ADGRA2: variants seen among roughly 807,000 people sequenced by gnomAD.
ADGRA2 encodes G-protein coupled receptor 124.
ADGRA2 carries 61 observed loss-of-function variants against 98.7 expected under a neutral mutation model. The ratio of observed to expected loss-of-function variants is 0.62; its 90% CI spans 0.50 to 0.76. ADGRA2 has a LOEUF of 0.76. Ranked by LOEUF, ADGRA2 falls within the 30% of genes least tolerant of loss-of-function variation. The probability of loss-of-function intolerance (pLI) is 0.00; values close to 1 mark genes in which losing one functional copy is unlikely to be tolerated. For synonymous variants in ADGRA2, 858 were observed against 831.5 expected (o/e 1.03, Z -0.55); for missense variants, 1,712 against 1,860.0 (o/e 0.92, Z 1.46).
intron 2 of ADGRA2, among the ~76,000 whole-genome samples, chr8:37,826,098 G>T (rs569945386): frequency 2.6e-5 from 4 of 152,286 alleles, no homozygotes; most frequent in African/African-American, 9.6e-5. Context: ...AGGGGGCCCG[G>T]GGAGGAAATG....
chr8:37,839,380 C>T lies in ADGRA2; in HGVS notation c.2388-119C>T, dbSNP rs575778628. The T allele has an allele frequency of 5.5e-5, 83 of 1,505,220 alleles. 3 individuals carry two copies. The South Asian group carries it at 1.0e-3, about 19-fold the overall frequency. 93.2% of individuals were successfully genotyped at this position (1,505,220 alleles called of 1,614,324 possible). On this transcript the variant is annotated intron_variant, in intron 15 of 18. Coordinates refer to ENST00000412232, the MANE Select transcript of ADGRA2 (RefSeq NM_032777.10). ...CCTACCCTATGGCCTCTGTCACATT[C>T]CCAACCATTCACACACGCAGATATG...
intron 1 of ADGRA2, among the ~76,000 whole-genome samples, chr8:37,809,052 G>T (rs1312012162): frequency 6.6e-6 from 1 of 152,048 alleles, no homozygotes; most frequent in African/African-American, 2.4e-5. Context: ...TGAACTCCTG[G>T]CCTCAAGTGA....
chr8:37,832,306 G>A (rs1418421804), intron 8 of ADGRA2, among the ~76,000 whole-genome samples: 1 of 151,744 alleles, frequency 6.6e-6, no homozygotes, highest in South Asian at 2.1e-4. Context: ...ACCCGCCTTG[G>A]CCTCCCGAAG....
intron 2 of ADGRA2, among the ~76,000 whole-genome samples, chr8:37,824,141 C>T (rs1025969786): frequency 6.6e-6 from 1 of 152,084 alleles, no homozygotes; most frequent in Admixed American, 6.5e-5. Context: ...AAGTGATTCT[C>T]CTGCCTCTGC....
chr8:37,820,230 T>C (rs187093047), intron 2 of ADGRA2, among the ~76,000 whole-genome samples: 11 of 152,324 alleles, frequency 7.2e-5, no homozygotes, highest in African/African-American at 2.6e-4. Flanking sequence ...ACAAAATACC[T>C]GCACAGCGAC....
Position 37,833,145 on chromosome 8 carries a change from A to C in ADGRA2, c.1233A>C (p.Pro411=). 5.0e-6 allele frequency: 8 copies of C among 1,613,086 alleles called. No homozygotes were observed. Among genetic ancestry groups the C allele is most frequent in the Non-Finnish European group, 6.8e-6 (8 of 1,179,772 alleles). The change falls in exon 9 of 19, where the codon CCA becomes CCC. Residue 411 remains proline, a synonymous_variant. Coordinates refer to ENST00000412232, the MANE Select transcript of ADGRA2 (RefSeq NM_032777.10). Reference sequence around the variant, plus strand: ...GTGACCGTGCCGGCCGCTGGGAGCCAGGGGACTACTCCCACTGTCTCTACA... The same window carrying C: ...GTGACCGTGCCGGCCGCTGGGAGCCCGGGGACTACTCCCACTGTCTCTACA... ...RRCDRAGRWE[P]GDYSHCLYTN...
At chr8:37,812,168 T>A (rs1338135908) in intron 1 of ADGRA2, among the ~76,000 whole-genome samples, 3 of 151,864 alleles carry the variant, frequency 2.0e-5, no homozygotes, top group African/African-American at 7.3e-5. Context: ...GTTGTTGTTG[T>A]TGTTGTTGTT....
intron 1 of ADGRA2, among the ~76,000 whole-genome samples, chr8:37,806,526 C>CTTTTTCTTTTTTTT (rs756594430): frequency 2.0e-5 from 2 of 100,356 alleles, no homozygotes; most frequent in Non-Finnish European, 3.7e-5. Context: ...TTTTCTTTTT[C>CTTTTTCTTTTTTTT]TTTTTTTTTT....
In ADGRA2 at chr8:37,834,559, G is replaced by C. The variant is rs1805552969; in HGVS notation, c.1608+431G>C. 1.3e-5 allele frequency among the ~76,000 whole-genome samples: 2 copies of C among 152,210 alleles called. 1 individual carries two copies. Among genetic ancestry groups the C allele is most frequent in the African/African-American group, 4.8e-5 (2 of 41,464 alleles). The stretch of plus-strand genomic sequence containing the variant: ...TGCTAGGCCCTTGGGGCGATGCAAA[G>C]GGGTGAGACATGGAGCCTGCTCTAC... On this transcript the variant is annotated intron_variant, in intron 11 of 18. Transcript: ENST00000412232. This position sits in a 1 kb window ranked among gnomAD's most constrained non-coding sequence, Gnocchi z 4.2.
At chr8:37,824,940 A>G (rs1805226916) in intron 2 of ADGRA2, among the ~76,000 whole-genome samples, 1 of 152,100 alleles carries the variant, frequency 6.6e-6, no homozygotes, top group Non-Finnish European at 1.5e-5. Context: ...ACTCACTCTT[A>G]CACACTCAGC....
chr8:37,803,021 T>C (rs1476389579), intron 1 of ADGRA2, among the ~76,000 whole-genome samples: 1 of 152,066 alleles, frequency 6.6e-6, no homozygotes, highest in Non-Finnish European at 1.5e-5. Flanking sequence ...CCCTCTGTGA[T>C]TAGGGAGGGG....
chr8:37,833,325 C>G (rs1399980721), intron 9 of ADGRA2, 117 bp downstream of exon 9: 5 of 820,436 alleles, frequency 6.1e-6, no homozygotes, highest in Non-Finnish European at 9.4e-6. Context: ...GCCTCCTGTT[C>G]CTGCCTGTGC....
chr8:37,797,719 C>A lies in ADGRA2; in HGVS notation c.266+185C>A, dbSNP rs1804376484. ...AGGGGAGAGACTGGGGCTCCAGGAG[C>A]GTGGAGGCGGGAAGGGGCTGCGGGG... On this transcript the variant is annotated intron_variant, in intron 1 of 18. Coordinates refer to ENST00000412232, the MANE Select transcript of ADGRA2 (RefSeq NM_032777.10). This position sits in a 1 kb window ranked among gnomAD's most constrained non-coding sequence, Gnocchi z 5.3. 6.6e-6 allele frequency among the ~76,000 whole-genome samples: 1 copy of A among 151,994 alleles called. No individual in the cohort carries two copies. Among genetic ancestry groups the A allele is most frequent in the Non-Finnish European group, 1.5e-5 (1 of 67,974 alleles).
intron 1 of ADGRA2, among the ~76,000 whole-genome samples, chr8:37,801,957 C>T (rs1585962292): frequency 6.6e-6 from 1 of 152,232 alleles, no homozygotes; most frequent in South Asian, 2.1e-4. Context: ...TGAATTTCCC[C>T]AGAACAGGCA....
At position 37,835,747 on chromosome 8, in the gene ADGRA2, C is replaced by A. The variant is rs747192822; in HGVS notation, c.2027C>A (p.Thr676Asn). Residue 676 changes from threonine to asparagine, a missense_variant, in exon 13 of 19, where the codon ACC (threonine) becomes AAC (asparagine). By Grantham distance (65) the Thr-to-Asn change is moderately conservative. Coordinates refer to ENST00000412232, the MANE Select transcript of ADGRA2 (RefSeq NM_032777.10). ...AGPGKRRGVA[T>N]PVIFAGTSGC... ...CCTGGCAAGAGGCGTGGCGTGGCCA[C>A]CCCCGTCATCTTCGCAGGAACCAGT... 1 of 1,612,066 alleles carries A rather than the reference C, an allele frequency of 6.2e-7. No homozygotes were observed. Among genetic ancestry groups the A allele is most frequent in the South Asian group, 1.1e-5 (1 of 90,998 alleles).
Position 37,844,504 on chromosome 8 carries a change from G to C in ADGRA2, c.*2149G>C, listed in dbSNP as rs975745383. 2.5e-6 allele frequency: 4 copies of C among 1,612,862 alleles called. No individual in the cohort carries two copies. The highest frequency in any genetic ancestry group is 3.4e-6 in the Non-Finnish European group (4 of 1,179,952). ...GTGGATATCCATCAGGGAGGGTTAG[G>C]GACACTCGTGGCAGCCTGTCTAGCA... On this transcript the variant is annotated 3_prime_UTR_variant, in exon 19 of 19. Coordinates refer to ENST00000412232, the MANE Select transcript of ADGRA2 (RefSeq NM_032777.10).
intron 2 of ADGRA2, among the ~76,000 whole-genome samples, chr8:37,817,667 A>T (rs2129959987): frequency 6.6e-6 from 1 of 151,848 alleles, no homozygotes; most frequent in Admixed American, 6.6e-5. Context: ...TAATTGTGCC[A>T]CTGCACTCCA....
At chr8:37,817,094 C>T (rs527501180) in intron 2 of ADGRA2, among the ~76,000 whole-genome samples, 7 of 152,270 alleles carry the variant, frequency 4.6e-5, no homozygotes, top group Admixed American at 1.3e-4. Context: ...ATCATGACAG[C>T]AGCCTCGTGA....
In ADGRA2 at chr8:37,797,236, CA is replaced by C; in HGVS notation, c.-32del. 8.2e-7 allele frequency: 1 copy of C among 1,225,102 alleles called. No individual in the cohort carries two copies. Among genetic ancestry groups the C allele is most frequent in the Non-Finnish European group, 1.0e-6 (1 of 984,692 alleles). The allele number at this position is 1,225,102 out of a possible 1,614,324, so 75.9% of individuals were successfully genotyped here. Reference sequence around the variant, plus strand: ...CTCCGGCCGGCGCGCAGCCCGGCCCCAGCGCTGTGGGTCCCCGCGGGGCGAT... The same window carrying C: ...CTCCGGCCGGCGCGCAGCCCGGCCCCGCGCTGTGGGTCCCCGCGGGGCGAT... On this transcript the variant is annotated 5_prime_UTR_variant, in exon 1 of 19. Coordinates refer to ENST00000412232, the MANE Select transcript of ADGRA2 (RefSeq NM_032777.10). This position sits in a 1 kb window ranked among gnomAD's most constrained non-coding sequence, Gnocchi z 5.3.
Sources: gnomAD v4.1 joint callset for allele counts (sites outside exome capture counted in the v4.1 genomes callset) on GRCh38, gnomAD v4.1.1 for gene constraint, Gnocchi (gnomAD v3.1) non-coding constraint, MANE v1.5 for transcripts, NCBI Gene and HGNC (gene_info 2026-07-23, HGNC 2026-07-21) for gene names.